CTNNA3: variants seen among roughly 807,000 people sequenced by gnomAD.
CTNNA3 encodes the protein catenin alpha-3.
A neutral mutation model predicts 95.7 loss-of-function variants in CTNNA3; 76 were observed. That is an observed-to-expected ratio of 0.79 (90% CI 0.66 to 0.96). The LOEUF (loss-of-function observed/expected upper bound fraction) is 0.96. Among genes scored for constraint, CTNNA3 ranks in the 40% least tolerant of loss-of-function variants. The pLI, the probability that CTNNA3 is intolerant of heterozygous loss-of-function variation, is 0.00. For missense variants in CTNNA3, 1,191 were observed against 1,089.8 expected, an observed-to-expected ratio of 1.09 and a Z score of -1.31; for synonymous variants, 431 against 374.4, an observed-to-expected ratio of 1.15 and a Z score of -1.74.
chr10:67,599,158 C>T (rs901418128), intron 3 of CTNNA3, among the ~76,000 whole-genome samples: 75 of 152,186 alleles, frequency 4.9e-4, no homozygotes, highest in African/African-American at 1.8e-3. Flanking sequence ...AAAACCGAAT[C>T]AACCTGTTAA....
chr10:67,242,182 G>A (rs997630183), intron 5 of CTNNA3, among the ~76,000 whole-genome samples: 1 of 152,180 alleles, frequency 6.6e-6, no homozygotes, highest in Admixed American at 6.5e-5. Context: ...GAACAAGGCT[G>A]ATACAAAAAC....
chr10:67,110,693 A>G (rs904646730), intron 7 of CTNNA3, among the ~76,000 whole-genome samples: 2 of 152,146 alleles, frequency 1.3e-5, no homozygotes, highest in African/African-American at 2.4e-5. Flanking sequence ...GCATAATTAA[A>G]CATTTTAGGC....
intron 7 of CTNNA3, among the ~76,000 whole-genome samples, chr10:67,110,471 A>G (rs1858864962): frequency 6.6e-6 from 1 of 152,180 alleles, no homozygotes; most frequent in African/African-American, 2.4e-5. Flanking sequence ...AGCAGGATGG[A>G]ATGATGATGG....
intron 8 of CTNNA3, among the ~76,000 whole-genome samples, chr10:66,771,051 T>TA (rs1321491726): frequency 6.6e-6 from 1 of 151,982 alleles, no homozygotes; most frequent in Non-Finnish European, 1.5e-5. Flanking sequence ...GACCAGGAGG[T>TA]ATAAAAGCCT....
rs181633032 is a variant in CTNNA3, at chr10:67,627,516, T to A, written c.99+19899A>T. On this transcript the variant is annotated intron_variant, in intron 2 of 17. Coordinates refer to ENST00000433211, the MANE Select transcript of CTNNA3 (RefSeq NM_013266.4). The stretch of plus-strand genomic sequence containing the variant: ...TCCATGAATAATTCAAATATAACTG[T>A]TAAAAAATATTTTTCAATAATTTAA... Among the ~76,000 whole-genome samples the A allele has an allele frequency of 3.9e-3, 597 of 151,432 alleles. 4 individuals are homozygous for A. Among genetic ancestry groups the A allele is most frequent in the African/African-American group, 0.013 (547 of 41,038 alleles).
intron 13 of CTNNA3, among the ~76,000 whole-genome samples, chr10:66,227,309 G>A (rs2089348354): frequency 6.6e-6 from 1 of 151,412 alleles, no homozygotes; most frequent in African/African-American, 2.4e-5. Flanking sequence ...TATATTAGCT[G>A]TGGTTTTGTC....
intron 16 of CTNNA3, among the ~76,000 whole-genome samples, chr10:65,975,535 T>A (rs2078193267): frequency 6.6e-6 from 1 of 152,140 alleles, no homozygotes; most frequent in Non-Finnish European, 1.5e-5. Context: ...ATTAAAACTG[T>A]AAGACGCAAA....
intron 13 of CTNNA3, among the ~76,000 whole-genome samples, chr10:66,195,615 G>A (rs1309038380): frequency 6.6e-6 from 1 of 152,152 alleles, no homozygotes; most frequent in Non-Finnish European, 1.5e-5. Context: ...CCACATGAGA[G>A]AGCAAACTTG....
chr10:67,283,440 G>A lies in CTNNA3; in HGVS notation c.580-63570C>T, dbSNP rs1175507273. 3.3e-5 allele frequency among the ~76,000 whole-genome samples: 5 copies of A among 152,140 alleles called. No individual in the cohort carries two copies. In the South Asian group the frequency reaches 1.0e-3, roughly 32 times the overall value. ...TCCTCTAGGAACACTCAGTTGGTAA[G>A]GAAAAAACATCTCAAGTGACTATGT... is the stretch of plus-strand genomic sequence containing the variant. On this transcript the variant is annotated intron_variant, in intron 5 of 17. Coordinates refer to ENST00000433211, the MANE Select transcript of CTNNA3 (RefSeq NM_013266.4).
chr10:66,306,809 C>T (rs896401783), intron 12 of CTNNA3, among the ~76,000 whole-genome samples: 1 of 152,150 alleles, frequency 6.6e-6, no homozygotes, highest in Non-Finnish European at 1.5e-5. Context: ...TGTCTGAAAG[C>T]TTTGCATACA....
At chr10:67,570,514 A>G (rs1054914046) in intron 3 of CTNNA3, among the ~76,000 whole-genome samples, 4 of 152,128 alleles carry the variant, frequency 2.6e-5, no homozygotes, top group African/African-American at 9.6e-5. Context: ...TTTGATGTTC[A>G]ACATACTAGT....
chr10:66,689,272 A>C (rs1847425303), intron 9 of CTNNA3, among the ~76,000 whole-genome samples: 1 of 152,192 alleles, frequency 6.6e-6, no homozygotes, highest in East Asian at 1.9e-4. Flanking sequence ...ACTGAATTGA[A>C]GCAGAACTGA....
intron 15 of CTNNA3, among the ~76,000 whole-genome samples, chr10:66,026,438 G>A (rs1336689141): frequency 6.6e-6 from 1 of 152,126 alleles, no homozygotes; most frequent in African/African-American, 2.4e-5. Context: ...GAAAAGGGAA[G>A]ATATATTTAA....
intron 8 of CTNNA3, among the ~76,000 whole-genome samples, chr10:66,772,368 C>T (rs186040865): frequency 8.7e-4 from 130 of 148,950 alleles, no homozygotes; most frequent in Non-Finnish European, 1.6e-3. Context: ...GAGGTTGCAA[C>T]GAGCCGAGAT....
chr10:66,589,235 G>T (rs1315479659), intron 10 of CTNNA3, among the ~76,000 whole-genome samples: 1 of 151,742 alleles, frequency 6.6e-6, no homozygotes, highest in Non-Finnish European at 1.5e-5. Context: ...GAGAGAGGGG[G>T]ATCAAGGAGA....
chr10:66,060,534 T>C (rs2080173180), intron 15 of CTNNA3, among the ~76,000 whole-genome samples: 2 of 152,056 alleles, frequency 1.3e-5, no homozygotes, highest in African/African-American at 4.8e-5. Context: ...CAAAAGCAGA[T>C]GACAAGTACT....
At chr10:66,591,859 G>T (rs1357475236) in intron 10 of CTNNA3, among the ~76,000 whole-genome samples, 1 of 151,890 alleles carries the variant, frequency 6.6e-6, no homozygotes, top group Admixed American at 6.6e-5. Flanking sequence ...TCTTTTTCTT[G>T]ATCTGAACAC....
chr10:67,012,284 G>A (rs943871156), intron 7 of CTNNA3: 3 of 152,150 alleles, frequency 2.0e-5, no homozygotes, highest in Non-Finnish European at 4.4e-5. Flanking sequence ...CATGGGTAGA[G>A]AACTGAAACC....
chr10:66,197,826 G>A (rs79710239), intron 13 of CTNNA3, among the ~76,000 whole-genome samples: 5,665 of 152,144 alleles, frequency 0.037, 375 homozygotes, highest in African/African-American at 0.13. Flanking sequence ...CTTCATGTAA[G>A]CCTCCAGGCT....
Sources: allele counts gnomAD v4.1 joint callset (sites outside exome capture counted in the v4.1 genomes callset), GRCh38; gene constraint gnomAD v4.1.1; transcripts MANE v1.5; gene names NCBI Gene and HGNC (gene_info 2026-07-23, HGNC 2026-07-21).